RHOQ: variants seen among roughly 807,000 people sequenced by gnomAD.
The protein encoded by RHOQ is rho-related GTP-binding protein RhoQ.
In RHOQ, 7 loss-of-function variants were observed where a neutral mutation model predicts 25.8. The ratio of observed to expected loss-of-function variants is 0.27; its 90% confidence interval spans 0.15 to 0.51. The LOEUF (loss-of-function observed/expected upper bound fraction) is 0.51, where lower values mean the gene tolerates loss of function less well. Ranked by LOEUF, RHOQ falls within the 20% of genes least tolerant of loss-of-function variation. The probability of loss-of-function intolerance (pLI) is 0.97; values close to 1 mark genes in which losing one functional copy is unlikely to be tolerated. For synonymous variants in RHOQ, 97 were observed against 98.6 expected (o/e 0.98, Z 0.10); for missense variants, 165 against 260.6 (o/e 0.63, Z 2.53).
chr2:46,574,130 G>A (rs1416869230), intron 2 of RHOQ, among the ~76,000 whole-genome samples: 1 of 152,204 alleles, frequency 6.6e-6, no homozygotes, highest in African/African-American at 2.4e-5. Context: ...GAGGTGTTAT[G>A]CGGAGTGCTT....
intron 2 of RHOQ, among the ~76,000 whole-genome samples, chr2:46,544,121 G>A (rs1465727223): frequency 6.6e-6 from 1 of 152,160 alleles, no homozygotes; most frequent in Non-Finnish European, 1.5e-5. Context: ...CAATCATGAA[G>A]CGCCCTTATT....
At chr2:46,560,196 T>C (rs1305962173) in intron 2 of RHOQ, among the ~76,000 whole-genome samples, 1 of 152,330 alleles carries the variant, frequency 6.6e-6, no homozygotes, top group Non-Finnish European at 1.5e-5. Context: ...GGCACCTCAT[T>C]GCTCGCTCCG....
intron 2 of RHOQ, among the ~76,000 whole-genome samples, chr2:46,570,651 C>G (rs1169640314): frequency 6.6e-6 from 1 of 152,168 alleles, no homozygotes; most frequent in African/African-American, 2.4e-5. Context: ...GGACTTCTCG[C>G]TAGAAACAGA....
Position 46,569,237 on chromosome 2 carries a change from C to G in RHOQ, c.202-6850C>G, listed in dbSNP as rs755173461. On this transcript the variant is annotated intron_variant, in intron 2 of 4. Coordinates refer to ENST00000238738, the MANE Select transcript of RHOQ (RefSeq NM_012249.4). The surrounding 1 kb of genome is among the most constrained non-coding windows in gnomAD (Gnocchi z 4.1). ...TCCCTTCACAGATGGGGAAGTGAAG[C>G]TTGCCTGAGGGCTGTATTTAGCTAA... 6.6e-6 allele frequency: 1 copy of G among 152,226 alleles called. No homozygotes were observed. Among genetic ancestry groups the G allele is most frequent in the Non-Finnish European group, 1.5e-5 (1 of 68,050 alleles). 9.4% of individuals were successfully genotyped at this position (152,226 alleles called of 1,614,324 possible).
chr2:46,549,834 G>C (rs1363291309), intron 2 of RHOQ, among the ~76,000 whole-genome samples: 1 of 152,146 alleles, frequency 6.6e-6, no homozygotes, highest in Non-Finnish European at 1.5e-5. Flanking sequence ...TCCTGGATGC[G>C]TTCTTGCTCT....
intron 2 of RHOQ, among the ~76,000 whole-genome samples, chr2:46,567,854 C>T (rs79299109): frequency 0.018 from 2,797 of 151,576 alleles, 85 homozygotes; most frequent in African/African-American, 0.064. Flanking sequence ...CCCAGGAGTT[C>T]GATACTAGCC....
intron 2 of RHOQ, among the ~76,000 whole-genome samples, chr2:46,554,624 A>C (rs1454689627): frequency 2.6e-5 from 4 of 152,056 alleles, no homozygotes; most frequent in Non-Finnish European, 5.9e-5. Flanking sequence ...AACATTCCCC[A>C]GGCGGGTCAC....
chr2:46,558,929 T>C (rs949739314), intron 2 of RHOQ, among the ~76,000 whole-genome samples: 1 of 152,184 alleles, frequency 6.6e-6, no homozygotes, highest in Non-Finnish European at 1.5e-5. Context: ...TCTTTTTTTC[T>C]TTAGCATCTT....
intron 2 of RHOQ, among the ~76,000 whole-genome samples, chr2:46,559,435 GA>G: frequency 6.6e-6 from 1 of 152,250 alleles, no homozygotes; most frequent in South Asian, 2.1e-4. Flanking sequence ...GTGTTTACAA[GA>G]GTGGCATTGA....
rs991485645 is a variant in RHOQ at position 46,576,445 on chromosome 2, T to G, written c.367-116T>G. 1 of 915,296 alleles carries G rather than the reference T, an allele frequency of 1.1e-6. No homozygotes were observed. The highest frequency in any genetic ancestry group is 1.6e-6 in the Non-Finnish European group (1 of 607,268). 56.7% of individuals were successfully genotyped at this position (915,296 alleles called of 1,614,324 possible). A position where few individuals can be genotyped will look rare whatever the true frequency, so the allele number is the denominator to read the frequency against. On this transcript the variant is annotated intron_variant, in intron 3 of 4. Coordinates refer to ENST00000238738, the MANE Select transcript of RHOQ (RefSeq NM_012249.4). The surrounding 1 kb of genome is among the most constrained non-coding windows in gnomAD (Gnocchi z 5.1). The stretch of plus-strand genomic sequence containing the variant: ...CAATTATTTTCCTGGTTTTTAAAAA[T>G]TAAGTTCTTTTGTTTAATCTTTTTT...
intron 2 of RHOQ, among the ~76,000 whole-genome samples, chr2:46,545,012 A>AGG (rs1212254660): frequency 6.6e-6 from 1 of 152,186 alleles, no homozygotes; most frequent in Non-Finnish European, 1.5e-5. Context: ...TGCCTTATTG[A>AGG]GGGGGAGTGC....
In RHOQ at chr2:46,582,436, A is replaced by G. The variant is rs564724577; in HGVS notation, c.*1353A>G. 2.0e-5 allele frequency: 3 copies of G among 152,336 alleles called. No individual in the cohort carries two copies. The highest frequency in any genetic ancestry group is 4.4e-5 in the Non-Finnish European group (3 of 68,022). 9.4% of individuals were successfully genotyped at this position (152,336 alleles called of 1,614,324 possible). A position where few individuals can be genotyped will look rare whatever the true frequency, so the allele number is the denominator to read the frequency against. ...TCTTAATTACTAGTTCTATTACCTA[A>G]TTCAGCTTCCTTGTTTGGTCTGCTG... On this transcript the variant is annotated 3_prime_UTR_variant, in exon 5 of 5. Coordinates refer to ENST00000238738, the MANE Select transcript of RHOQ (RefSeq NM_012249.4).
chr2:46,580,762 C>T (rs968531647), intron 4 of RHOQ, 166 bp from the exon 5 acceptor site: 1 of 466,890 alleles, frequency 2.1e-6, no homozygotes, highest in African/African-American at 2.0e-5. Context: ...TCTGGAAGGA[C>T]ATATACTAGT....
At chr2:46,577,292 AC>A (rs1371407060) in intron 4 of RHOQ, among the ~76,000 whole-genome samples, 1 of 151,346 alleles carries the variant, frequency 6.6e-6, no homozygotes, top group African/African-American at 2.4e-5. Context: ...AGATAGGTTT[AC>A]TTTTTCCCCT....
At position 46,558,705 on chromosome 2, in the gene RHOQ, G is replaced by C. The variant is rs146699357; in HGVS notation, c.201+14893G>C. ...CTGGATTATTTCTTTGGTTTATTTA[G>C]TTTCAGTCAGTCTCTTTTGTTACCC... is the stretch of plus-strand genomic sequence containing the variant. On this transcript the variant is annotated intron_variant, in intron 2 of 4. Coordinates refer to ENST00000238738, the MANE Select transcript of RHOQ (RefSeq NM_012249.4). Among the ~76,000 whole-genome samples the C allele has an allele frequency of 8.7e-3, 1,322 of 152,258 alleles. 19 individuals carry two copies. Among genetic ancestry groups the C allele is most frequent in the African/African-American group, 0.03 (1,262 of 41,532 alleles).
intron 2 of RHOQ, among the ~76,000 whole-genome samples, chr2:46,546,474 GTGTATA>G (rs1175853962): frequency 0.1 from 1,712 of 16,782 alleles, 57 homozygotes; most frequent in Non-Finnish European, 0.15. Context: ...ATATATATAT[GTGTATA>G]TATATATATA....
chr2:46,554,977 G>T (rs1433944656), intron 2 of RHOQ, among the ~76,000 whole-genome samples: 1 of 152,142 alleles, frequency 6.6e-6, no homozygotes, highest in Non-Finnish European at 1.5e-5. Context: ...TTTTCACAGA[G>T]TTGTCTTCCC....
intron 2 of RHOQ, chr2:46,568,973 A>G (rs1306168380): frequency 1.3e-5 from 2 of 152,244 alleles, no homozygotes; most frequent in African/African-American, 4.8e-5. Context: ...TTCTTTCAGC[A>G]TGCTTTAGGC....
chr2:46,565,615 G>T (rs950621298), intron 2 of RHOQ, among the ~76,000 whole-genome samples: 2 of 152,208 alleles, frequency 1.3e-5, no homozygotes, highest in Non-Finnish European at 2.9e-5. Flanking sequence ...TTACTGGAGA[G>T]AATTCAGGTA....
Sources: gnomAD v4.1 joint callset for allele counts (sites outside exome capture counted in the v4.1 genomes callset) on GRCh38, gnomAD v4.1.1 for gene constraint, Gnocchi (gnomAD v3.1) non-coding constraint, MANE v1.5 for transcripts, NCBI Gene and HGNC (gene_info 2026-07-23, HGNC 2026-07-21) for gene names.